SLC25A41: variants seen among roughly 807,000 people sequenced by gnomAD.
SLC25A41 encodes mitochondrial carrier protein SCaMC-3L.
SLC25A41 carries 35 observed loss-of-function variants against 34.7 expected under a neutral mutation model. That is an observed-to-expected ratio of 1.01 (90% CI 0.77 to 1.34). The LOEUF is 1.34. Among genes scored for constraint, SLC25A41 ranks in the 40% most tolerant of loss-of-function variants. The pLI, the probability that SLC25A41 is intolerant of heterozygous loss-of-function variation, is 0.00. For synonymous variants in SLC25A41, 190 were observed against 209.9 expected, an observed-to-expected ratio of 0.91 and a Z score of 0.82; for missense variants, 492 against 489.8, an observed-to-expected ratio of 1.00 and a Z score of -0.04.
upstream of SLC25A41, among the ~76,000 whole-genome samples, chr19:6,434,929 A>G (rs1241704775): frequency 1.3e-5 from 2 of 151,082 alleles, no homozygotes; most frequent in African/African-American, 4.9e-5. Flanking sequence ...CAACAACAAC[A>G]AAACTTTGCT....
At position 6,426,339 on chromosome 19, in the gene SLC25A41, C is replaced by G. The variant is rs1015034796; in HGVS notation, c.*50G>C. On this transcript the variant is annotated 3_prime_UTR_variant, in exon 7 of 7. Transcript: ENST00000321510. ...AGGGCTCTTTGGGGCCAGGGGTCATCAGGTCCTCCTGTCCCATTTCTGCCT... is the reference window on the plus strand; with the variant it reads ...AGGGCTCTTTGGGGCCAGGGGTCATGAGGTCCTCCTGTCCCATTTCTGCCT... 3.2e-6 allele frequency: 5 copies of G among 1,565,022 alleles called. No homozygotes were observed. In the Admixed American group the frequency reaches 5.2e-5, roughly 16 times the overall value.
chr19:6,436,220 G>C (rs1391101279), upstream of SLC25A41: 1 of 280,498 alleles, frequency 3.6e-6, no homozygotes, highest in South Asian at 3.4e-5. Flanking sequence ...CCGCTGAGCC[G>C]GCTGTTCCCG....
In SLC25A41 at chr19:6,426,264, CCTGCT is replaced by C. The variant is rs2092239309; in HGVS notation, c.*120_*124del. 2.4e-6 allele frequency: 1 copy of C among 414,760 alleles called. No homozygotes were observed. Among genetic ancestry groups the C allele is most frequent in the Non-Finnish European group, 3.4e-6 (1 of 290,004 alleles). The allele number at this position is 414,760 out of a possible 1,614,324, so 25.7% of individuals were successfully genotyped here. ...CCCAGAGCCCCACCCCCACCCCCAG[CCTGCT>C]TTTGCCACCAAAAACTGCCCCAGGG... On this transcript the variant is annotated 3_prime_UTR_variant, in exon 7 of 7. Coordinates refer to ENST00000321510, the MANE Select transcript of SLC25A41 (RefSeq NM_173637.4).
Position 6,429,723 on chromosome 19 carries a change from C to A in SLC25A41, c.624+1G>T, listed in dbSNP as rs2092275895. 1.0e-5 allele frequency: 16 copies of A among 1,575,810 alleles called. No homozygotes were observed. The East Asian group carries it at 3.6e-4, about 36-fold the overall frequency. ...CACCTGCGGGGCACATGCTCTCTTA[C>A]CTCCATGGGGTTGATGAGGGTCTGG... is the stretch of plus-strand genomic sequence containing the variant. On this transcript the variant is annotated splice_donor_variant, in intron 4 of 6. Transcript: ENST00000321510. LOFTEE classifies it high-confidence loss of function.
chr19:6,432,448 T>G (rs2092289663), intron 1 of SLC25A41, among the ~76,000 whole-genome samples: 1 of 148,318 alleles, frequency 6.7e-6, no homozygotes. Context: ...GTAGCTGGGA[T>G]TATAGGCATG....
rs2145135916 is a variant in SLC25A41, at chr19:6,427,769, T to A, written c.625-268A>T. On this transcript the variant is annotated intron_variant, in intron 4 of 6. Transcript: ENST00000321510. This position sits in a 1 kb window ranked among gnomAD's most constrained non-coding sequence, Gnocchi z 4.9. ...TGGGAGGCTGAGGCGGGAGGATCGC[T>A]TGAGGCCGGGAGTTCGAGACCAGCC... Among the ~76,000 whole-genome samples the A allele has an allele frequency of 6.6e-6, 1 of 152,276 alleles. No homozygotes were observed. The highest frequency in any genetic ancestry group is 2.4e-5 in the African/African-American group (1 of 41,568).
chr19:6,428,346 C>G (rs929595571), intron 4 of SLC25A41, among the ~76,000 whole-genome samples: 3 of 147,240 alleles, frequency 2.0e-5, no homozygotes, highest in African/African-American at 7.5e-5. Flanking sequence ...TCGCAGTGAG[C>G]AGTGAGTCAA....
In SLC25A41 at chr19:6,426,249, C is replaced by CA. The variant is rs1246856176; in HGVS notation, c.*139dup. On this transcript the variant is annotated 3_prime_UTR_variant, in exon 7 of 7. Coordinates refer to ENST00000321510, the MANE Select transcript of SLC25A41 (RefSeq NM_173637.4). ...TCAGGAATCTTCTGACCCAGAGCCC[C>CA]ACCCCCACCCCCAGCCTGCTTTTGC... 1.3e-5 allele frequency: 7 copies of CA among 553,644 alleles called. No homozygotes were observed. Among genetic ancestry groups the CA allele is most frequent in the Non-Finnish European group, 1.9e-5 (7 of 362,516 alleles). 34.3% of individuals were successfully genotyped at this position (553,644 alleles called of 1,614,324 possible).
Position 6,427,125 on chromosome 19 carries a change from C to T in SLC25A41, c.918G>A (p.Val306=), listed in dbSNP as rs773471447. 5.6e-6 allele frequency: 9 copies of T among 1,606,602 alleles called. No individual in the cohort carries two copies. In the South Asian group the frequency reaches 1.0e-4, roughly 18 times the overall value. The change falls in exon 6 of 7, where the codon GTG becomes GTA. Residue 306 remains valine, a synonymous_variant. Coordinates refer to ENST00000321510, the MANE Select transcript of SLC25A41 (RefSeq NM_173637.4). The surrounding 1 kb of genome is among the most constrained non-coding windows in gnomAD (Gnocchi z 4.9). The stretch of plus-strand genomic sequence containing the variant: ...GACCTTGGGCCTGCATCCTGGTGCG[C>T]ACCAGAGTCAGTGGGTAGCTGGCCA... ...GQMASYPLTL[V]RTRMQAQDTV... is the part of the protein sequence containing the mutation.
rs746591941 is a variant in SLC25A41 at position 6,432,425 on chromosome 19, C to G, written c.208-221G>C. ...CCTCCCAGGTTCAAGCAGTTCCTGC[C>G]GCAGCCTCCTGAGTAGCTGGGATTA... On this transcript the variant is annotated intron_variant, in intron 1 of 6. Transcript: ENST00000321510. Among the ~76,000 whole-genome samples, 15 of 151,502 alleles carry G rather than the reference C, an allele frequency of 9.9e-5. 1 individual carries two copies. Among genetic ancestry groups the G allele is most frequent in the Admixed American group, 9.9e-4 (15 of 15,152 alleles).
At chr19:6,429,569 CAG>C (rs1483776901) in intron 4 of SLC25A41, among the ~76,000 whole-genome samples, 153 bp downstream of exon 4, 3 of 17,858 alleles carry the variant, frequency 1.7e-4, no homozygotes, top group East Asian at 4.1e-3. Flanking sequence ...GGAGGGGAGA[CAG>C]AGGAGGAAGA....
chr19:6,431,981 G>A, intron 2 of SLC25A41, 68 bp downstream of exon 2: 1 of 1,551,440 alleles, frequency 6.4e-7, no homozygotes, highest in Non-Finnish European at 8.7e-7. Flanking sequence ...AACTCCATCT[G>A]TCCTCACCCC....
chr19:6,430,128 G>C lies in SLC25A41; in HGVS notation c.397C>G (p.Leu133Val). ...TGGACCATGCTCTGTAGCCCCCCCA[G>C]CAGGTTGGTGAAGTTCGTCTTGGAG... is the stretch of plus-strand genomic sequence containing the variant. ...YSSKTNFTNL[L>V]GGLQSMVQEG... The change falls in exon 3 of 7, where the codon CTG becomes GTG. Residue 133 changes from leucine to valine, a missense_variant. By Grantham distance (32) the Leu-to-Val change is conservative. Transcript: ENST00000321510. The C allele has an allele frequency of 6.2e-7, 1 of 1,613,154 alleles. No homozygotes were observed. Among genetic ancestry groups the C allele is most frequent in the Non-Finnish European group, 8.5e-7 (1 of 1,179,530 alleles).
At chr19:6,432,249 G>A in intron 1 of SLC25A41, 45 bp from the exon 2 acceptor site, 1 of 1,591,228 alleles carries the variant, frequency 6.3e-7, no homozygotes. Flanking sequence ...CCAGGTTGGG[G>A]CACCTTCCCC....
rs754677357 is a variant in SLC25A41 at position 6,430,044 on chromosome 19, G to A, written c.481C>T (p.Pro161Ser). 2 of 1,612,252 alleles carry A rather than the reference G, an allele frequency of 1.2e-6. No homozygotes were observed. The highest frequency in any genetic ancestry group is 8.5e-7 in the Non-Finnish European group (1 of 1,179,192). ...GNGINVLKIA[P>S]EYAIKFSVFE... ...ACGGAGAACTTGATGGCATACTCAG[G>A]AGCAATCTTGAGCACGTTGATGCCG... The change falls in exon 3 of 7, where the codon CCT becomes TCT. Residue 161 changes from proline to serine, a missense_variant. Transcript: ENST00000321510.
At chr19:6,431,291 C>A (rs958812434) in intron 2 of SLC25A41, among the ~76,000 whole-genome samples, 32 of 151,962 alleles carry the variant, frequency 2.1e-4, no homozygotes, top group African/African-American at 7.7e-4. Flanking sequence ...GCTCTGTCAC[C>A]CAGGCTGGAG....
chr19:6,433,268 T>C (rs1263830775), intron 1 of SLC25A41, among the ~76,000 whole-genome samples: 4 of 152,092 alleles, frequency 2.6e-5, no homozygotes, highest in African/African-American at 9.7e-5. Flanking sequence ...AGGTTGGTCT[T>C]GAACTCCTGT....
At chr19:6,435,447 G>A (rs1027376572), upstream of SLC25A41, among the ~76,000 whole-genome samples, 2 of 149,542 alleles carry the variant, frequency 1.3e-5, no homozygotes, top group Non-Finnish European at 2.9e-5. Context: ...TTGGCTGGGC[G>A]TGGTGGCTCA....
intron 2 of SLC25A41, among the ~76,000 whole-genome samples, chr19:6,430,991 T>G (rs1439010769): frequency 6.6e-6 from 1 of 151,636 alleles, no homozygotes; most frequent in East Asian, 1.9e-4. Context: ...TTTTGTAAAA[T>G]TTTTTGTATA....
Sources: gnomAD v4.1 joint callset for allele counts (sites outside exome capture counted in the v4.1 genomes callset) on GRCh38, gnomAD v4.1.1 for gene constraint, Gnocchi (gnomAD v3.1) non-coding constraint, MANE v1.5 for transcripts, NCBI Gene and HGNC (gene_info 2026-07-23, HGNC 2026-07-21) for gene names.